The following IL1RAPL2 variants were observed in gnomAD, a reference collection of about 807,000 sequenced individuals.
The protein encoded by IL1RAPL2 is X-linked interleukin-1 receptor accessory protein-like 2.
Under a neutral mutation model 44.1 loss-of-function variants are expected in IL1RAPL2, and 3 were observed. The ratio of observed to expected loss-of-function variants is 0.07; its 90% CI spans 0.03 to 0.18. The LOEUF (loss-of-function observed/expected upper bound fraction) is 0.18. IL1RAPL2 is among the 10% of genes least tolerant of loss of function. IL1RAPL2 has a pLI of 1.00. For synonymous variants in IL1RAPL2, 181 were observed against 178.8 expected (o/e 1.01, Z -0.10); for missense variants, 391 against 496.4 (o/e 0.79, Z 2.02).
At chrX:105,703,559 A>G (rs1018571866) in intron 6 of IL1RAPL2, among the ~76,000 whole-genome samples, 1 of 111,844 alleles carries the variant, frequency 8.9e-6, no homozygotes, top group Admixed American at 9.5e-5. Context: ...CACTTGGACT[A>G]CATTGCAAGC....
chrX:104,933,569 C>A (rs1186099534), intron 2 of IL1RAPL2, among the ~76,000 whole-genome samples: 11 of 111,351 alleles, frequency 9.9e-5, no homozygotes, highest in Non-Finnish European at 1.9e-4. Flanking sequence ...AAGGTCCATT[C>A]CCCAGAAACA....
chrX:104,661,145 A>G (rs189837113), intron 2 of IL1RAPL2, among the ~76,000 whole-genome samples: 200 of 111,426 alleles, frequency 1.8e-3, no homozygotes, highest in Non-Finnish European at 3.2e-3. Flanking sequence ...AGTCAGCTTC[A>G]TTGAAGAAAC....
At chrX:104,590,503 C>CT (rs1420568251) in intron 1 of IL1RAPL2, among the ~76,000 whole-genome samples, 7 of 112,137 alleles carry the variant, frequency 6.2e-5, no homozygotes, top group Non-Finnish European at 1.3e-4. Context: ...GATGGGCACT[C>CT]TAAATCATAG....
At chrX:105,279,381 G>A (rs746442692) in intron 5 of IL1RAPL2, among the ~76,000 whole-genome samples, 46 of 111,932 alleles carry the variant, frequency 4.1e-4, no homozygotes, top group African/African-American at 1.5e-3. Flanking sequence ...TTTTTCCAAA[G>A]CCTGAGCCCC....
rs1364037003 is a variant in IL1RAPL2 at position 104,747,936 on chromosome X, G to C, written c.82+88941G>C. Among the ~76,000 whole-genome samples the C allele has an allele frequency of 2.7e-5, 3 of 111,732 alleles. No homozygotes were observed. In the East Asian group the frequency reaches 8.5e-4, roughly 32 times the overall value. On this transcript the variant is annotated intron_variant, in intron 2 of 10. Transcript: ENST00000372582. ...TGGTTTACTGAAGGTCACACACATAGAGACATGGGTCTCCTGTACACCCCC... is the reference window on the plus strand; with the variant it reads ...TGGTTTACTGAAGGTCACACACATACAGACATGGGTCTCCTGTACACCCCC...
intron 2 of IL1RAPL2, among the ~76,000 whole-genome samples, chrX:104,864,959 C>T (rs769553049): frequency 2.0e-4 from 22 of 111,116 alleles, no homozygotes; most frequent in African/African-American, 4.9e-4. Context: ...AGCTCAGGTC[C>T]GACTTACAGT....
intron 2 of IL1RAPL2, among the ~76,000 whole-genome samples, chrX:104,900,753 A>G (rs1199177451): frequency 8.9e-6 from 1 of 112,128 alleles, no homozygotes; most frequent in East Asian, 2.8e-4. Flanking sequence ...AAATTGCATT[A>G]TATCACTTAT....
chrX:104,915,338 G>A (rs1339656475), intron 2 of IL1RAPL2, among the ~76,000 whole-genome samples: 2 of 110,510 alleles, frequency 1.8e-5, no homozygotes, highest in East Asian at 5.7e-4. Context: ...ATTTTTTCAT[G>A]TGTTTTTTGG....
intron 2 of IL1RAPL2, among the ~76,000 whole-genome samples, chrX:104,860,483 A>T (rs1253595537): frequency 2.7e-5 from 3 of 111,980 alleles, no homozygotes; most frequent in Admixed American, 1.9e-4. Context: ...AGTACACACC[A>T]AAGATGTATA....
chrX:105,352,101 A>ATT (rs199917383), intron 5 of IL1RAPL2, among the ~76,000 whole-genome samples: 7 of 108,613 alleles, frequency 6.4e-5, no homozygotes, highest in African/African-American at 2.4e-4. Context: ...TTAAAAAACA[A>ATT]TTTTTTTTTC....
At chrX:105,739,037 T>G (rs189086493) in intron 7 of IL1RAPL2, among the ~76,000 whole-genome samples, 1 of 111,051 alleles carries the variant, frequency 9.0e-6, no homozygotes, top group Non-Finnish European at 1.9e-5. Context: ...CTCACTAATG[T>G]ATGGAGATAG....
At chrX:105,416,614 T>A in intron 5 of IL1RAPL2, among the ~76,000 whole-genome samples, 1 of 112,222 alleles carries the variant, frequency 8.9e-6, no homozygotes, top group African/African-American at 3.2e-5. Flanking sequence ...TCCTTTAAAT[T>A]ATACGATTAA....
intron 2 of IL1RAPL2, among the ~76,000 whole-genome samples, chrX:104,934,710 A>T (rs1213014991): frequency 1.8e-5 from 2 of 111,999 alleles, no homozygotes; most frequent in African/African-American, 3.2e-5. Flanking sequence ...GAATAGGCTC[A>T]TCGTAGTCTA....
rs777622142 is a variant in IL1RAPL2 at position 104,865,805 on chromosome X, C to T, written c.82+206810C>T. ...GATTTGTCAGGTGCTCTCAGGCCTT[C>T]GGCCACAGACTGAAGGCTGCACTGT... is the stretch of plus-strand genomic sequence containing the variant. On this transcript the variant is annotated intron_variant, in intron 2 of 10. Coordinates refer to ENST00000372582, the MANE Select transcript of IL1RAPL2 (RefSeq NM_017416.2). Among the ~76,000 whole-genome samples the T allele has an allele frequency of 8.0e-5, 9 of 112,997 alleles. No homozygotes were observed. The South Asian group carries it at 1.8e-3, about 23-fold the overall frequency.
intron 1 of IL1RAPL2, among the ~76,000 whole-genome samples, chrX:104,599,807 TTG>T (rs781613368): frequency 9.0e-6 from 1 of 111,206 alleles, no homozygotes; most frequent in South Asian, 3.8e-4. Context: ...TCATAACAAG[TTG>T]TGCTGACGAG....
chrX:105,333,505 T>G (rs1224872535), intron 5 of IL1RAPL2, among the ~76,000 whole-genome samples: 2 of 111,092 alleles, frequency 1.8e-5, no homozygotes, highest in Non-Finnish European at 1.9e-5. Context: ...AATGCAAAAA[T>G]GGACAAATGG....
At chrX:105,659,513 T>C (rs925101796) in intron 6 of IL1RAPL2, among the ~76,000 whole-genome samples, 6 of 106,814 alleles carry the variant, frequency 5.6e-5, no homozygotes, top group Non-Finnish European at 1.2e-4. Flanking sequence ...AAAAATTAGC[T>C]GGGCGTGGTG....
chrX:105,191,173 A>G (rs189736500), intron 2 of IL1RAPL2, among the ~76,000 whole-genome samples: 1 of 112,634 alleles, frequency 8.9e-6, no homozygotes. Flanking sequence ...TCTTCACTCC[A>G]TTATAATTGT....
chrX:105,410,751 G>A (rs2035689350), intron 5 of IL1RAPL2, among the ~76,000 whole-genome samples: 1 of 111,823 alleles, frequency 8.9e-6, no homozygotes, highest in Admixed American at 9.5e-5. Flanking sequence ...CCACAATACT[G>A]GCTTTGCAAG....
Sources: gnomAD v4.1 joint callset for allele counts (sites outside exome capture counted in the v4.1 genomes callset) on GRCh38, gnomAD v4.1.1 for gene constraint, MANE v1.5 for transcripts, NCBI Gene and HGNC (gene_info 2026-07-23, HGNC 2026-07-21) for gene names.